Variants in SPTLC2 observed in about 807,000 individuals in gnomAD.
SPTLC2 encodes the protein serine palmitoyltransferase 2.
Under a neutral mutation model 62.0 loss-of-function variants are expected in SPTLC2, and 21 were observed. The ratio of observed to expected loss-of-function variants is 0.34; its 90% CI spans 0.24 to 0.49. The LOEUF (loss-of-function observed/expected upper bound fraction) is 0.49, where lower values mean the gene tolerates loss of function less well. Among genes scored for constraint, SPTLC2 ranks in the 20% least tolerant of loss-of-function variants. The pLI, the probability that SPTLC2 is intolerant of heterozygous loss-of-function variation, is 0.99. For synonymous variants in SPTLC2, 261 were observed against 261.8 expected (o/e 1.00, Z 0.03); for missense variants, 511 against 713.0 (o/e 0.72, Z 3.23).
intron 9 of SPTLC2, among the ~76,000 whole-genome samples, chr14:77,551,010 TA>T (rs1326750728): frequency 1.3e-5 from 2 of 151,412 alleles, no homozygotes; most frequent in Non-Finnish European, 2.9e-5. Context: ...AATCTTACAA[TA>T]AAGTATTACA....
At chr14:77,528,013 A>G (rs2079417723) in intron 9 of SPTLC2, among the ~76,000 whole-genome samples, 1 of 152,228 alleles carries the variant, frequency 6.6e-6, no homozygotes. Flanking sequence ...TAAAGGACAC[A>G]AATATTAAGG....
chr14:77,583,437 A>G (rs1475896584), intron 2 of SPTLC2, among the ~76,000 whole-genome samples: 1 of 152,044 alleles, frequency 6.6e-6, no homozygotes, highest in Non-Finnish European at 1.5e-5. Flanking sequence ...TCATTCATTC[A>G]TTCAAATATA....
chr14:77,526,799 C>CTT (rs11439888), intron 9 of SPTLC2, among the ~76,000 whole-genome samples: 4,105 of 146,038 alleles, frequency 0.028, 164 homozygotes, highest in African/African-American at 0.096. Context: ...TTATTTAGTT[C>CTT]TTTTTTTTTT....
chr14:77,588,268 T>C (rs1440664118), intron 2 of SPTLC2, among the ~76,000 whole-genome samples: 6 of 152,128 alleles, frequency 3.9e-5, no homozygotes, highest in South Asian at 4.1e-4. Context: ...AAGAAGGAAA[T>C]AGCCTTATGA....
At chr14:77,531,481 C>CCCT (rs1219084054) in intron 9 of SPTLC2, among the ~76,000 whole-genome samples, 1,484 of 90,216 alleles carry the variant, frequency 0.016, 111 homozygotes, top group African/African-American at 0.073. Flanking sequence ...CTCCCCCTCC[C>CCCT]CCTCCTCCTC....
At chr14:77,592,323 T>C (rs867136875) in intron 2 of SPTLC2, among the ~76,000 whole-genome samples, 5 of 151,372 alleles carry the variant, frequency 3.3e-5, no homozygotes, top group Middle Eastern at 3.4e-3. Flanking sequence ...TTAGTAGAGA[T>C]GGGGTTTCAT....
At chr14:77,553,110 T>G (rs1304550070) in intron 8 of SPTLC2, among the ~76,000 whole-genome samples, 3 of 152,208 alleles carry the variant, frequency 2.0e-5, no homozygotes, top group African/African-American at 7.2e-5. Context: ...AGTAAAACTC[T>G]GTCATTTACA....
At chr14:77,520,525 C>G (rs1000201734) in intron 10 of SPTLC2, among the ~76,000 whole-genome samples, 2 of 152,250 alleles carry the variant, frequency 1.3e-5, no homozygotes, top group African/African-American at 4.8e-5. Context: ...CAGCTCAAAA[C>G]TCACCCATCC....
chr14:77,616,223 C>G (rs964779927), intron 1 of SPTLC2, among the ~76,000 whole-genome samples: 6 of 151,954 alleles, frequency 3.9e-5, no homozygotes, highest in African/African-American at 1.5e-4. Context: ...CCCAGAGCTC[C>G]GGGAGTAAGA....
chr14:77,550,030 ATGTC>A (rs1205580871), intron 9 of SPTLC2, among the ~76,000 whole-genome samples: 2 of 152,234 alleles, frequency 1.3e-5, no homozygotes, highest in African/African-American at 4.8e-5. Context: ...GTGTGTATAT[ATGTC>A]TGTCTCTCAG....
chr14:77,519,916 AATTT>A (rs2079377858), intron 10 of SPTLC2, among the ~76,000 whole-genome samples: 1 of 151,754 alleles, frequency 6.6e-6, no homozygotes, highest in Non-Finnish European at 1.5e-5. Flanking sequence ...TAAATGCACA[AATTT>A]ATTTTTTCTC....
chr14:77,521,950 A>G (rs2079386855), intron 9 of SPTLC2, among the ~76,000 whole-genome samples: 4 of 152,184 alleles, frequency 2.6e-5, no homozygotes, highest in Non-Finnish European at 5.9e-5. Context: ...CAAGGTAGTG[A>G]CATGCCTACA....
At chr14:77,512,692 T>G (rs2079338430) in intron 11 of SPTLC2, among the ~76,000 whole-genome samples, 1 of 152,196 alleles carries the variant, frequency 6.6e-6, no homozygotes, top group Non-Finnish European at 1.5e-5. Context: ...ACTCTGAACT[T>G]ACAAAACCGA....
At chr14:77,533,517 G>A (rs1255034078) in intron 9 of SPTLC2, among the ~76,000 whole-genome samples, 1 of 152,076 alleles carries the variant, frequency 6.6e-6, no homozygotes, top group Non-Finnish European at 1.5e-5. Context: ...ATTTTAAAAG[G>A]GGCGAAGCTG....
rs1031594078 is a variant in SPTLC2, at chr14:77,509,181, A to C, written c.*3103T>G. ...GATGGCTGGATTCTTCAAACAAATA[A>C]GCAGTACTTTGGGGGTTATGGAGAC... On this transcript the variant is annotated 3_prime_UTR_variant, in exon 12 of 12. Transcript: ENST00000216484. The C allele has an allele frequency of 6.6e-6, 1 of 152,204 alleles. No individual in the cohort carries two copies. Among genetic ancestry groups the C allele is most frequent in the East Asian group, 1.9e-4 (1 of 5,196 alleles). 9.4% of individuals were successfully genotyped at this position (152,204 alleles called of 1,614,324 possible).
At chr14:77,522,038 G>A (rs1454660041) in intron 9 of SPTLC2, among the ~76,000 whole-genome samples, 1 of 152,186 alleles carries the variant, frequency 6.6e-6, no homozygotes, top group African/African-American at 2.4e-5. Context: ...CTAACTTTAA[G>A]ATTCATTCTA....
intron 2 of SPTLC2, among the ~76,000 whole-genome samples, chr14:77,581,478 T>C (rs1034231452): frequency 6.8e-6 from 1 of 146,152 alleles, no homozygotes; most frequent in Admixed American, 7.2e-5. Flanking sequence ...TGGTGTGATC[T>C]CGCCTCACTG....
intron 8 of SPTLC2, 138 bp from the exon 9 acceptor site, chr14:77,552,360 A>G: frequency 3.8e-6 from 4 of 1,056,110 alleles, no homozygotes; most frequent in Non-Finnish European, 5.7e-6. Flanking sequence ...ATACAAGGTC[A>G]ACCAACATGG....
At position 77,564,280 on chromosome 14, in the gene SPTLC2, G is replaced by A. The variant is rs567318620; in HGVS notation, c.757-1791C>T. 3.2e-3 allele frequency among the ~76,000 whole-genome samples: 405 copies of A among 128,408 alleles called. 2 individuals are homozygous for A. The highest frequency in any genetic ancestry group is 0.011 in the African/African-American group (389 of 34,896). 84.2% of individuals were successfully genotyped at this position (128,408 alleles called of 152,430 possible). A position where few individuals can be genotyped will look rare whatever the true frequency, so the allele number is the denominator to read the frequency against. On this transcript the variant is annotated intron_variant, in intron 5 of 11. Coordinates refer to ENST00000216484, the MANE Select transcript of SPTLC2 (RefSeq NM_004863.4). ...AGGAGGAGGAGGAAGAGGAGGAAGAGGAGGAAAAGGAGGAAGAGGAGGAGA... is the reference window on the plus strand; with the variant it reads ...AGGAGGAGGAGGAAGAGGAGGAAGAAGAGGAAAAGGAGGAAGAGGAGGAGA...
Sources: gnomAD v4.1 joint callset for allele counts (sites outside exome capture counted in the v4.1 genomes callset) on GRCh38, gnomAD v4.1.1 for gene constraint, MANE v1.5 for transcripts, NCBI Gene and HGNC (gene_info 2026-07-23, HGNC 2026-07-21) for gene names.